The following SENP5 variants were observed in gnomAD, a reference collection of about 807,000 sequenced individuals.
The protein encoded by SENP5 is sentrin-specific protease 5.
SENP5 carries 21 observed loss-of-function variants against 74.2 expected under a neutral mutation model. That is an observed-to-expected ratio of 0.28 (90% CI 0.20 to 0.41). The LOEUF (loss-of-function observed/expected upper bound fraction) is 0.41, where lower values mean the gene tolerates loss of function less well. Ranked by LOEUF, SENP5 falls within the 10% of genes least tolerant of loss-of-function variation. The pLI is 1.00. For missense variants in SENP5, 717 were observed against 889.1 expected (o/e 0.81, Z 2.46); for synonymous variants, 311 against 312.7 (o/e 0.99, Z 0.06).
rs76882863 is a variant in SENP5, at chr3:196,919,168, A to G, written c.1885-4246A>G. On this transcript the variant is annotated intron_variant, in intron 6 of 9. Coordinates refer to ENST00000323460, the MANE Select transcript of SENP5 (RefSeq NM_152699.5). ...TAATAGCTAGAGACCTCAACACCCC[A>G]CTTTCATCATTGGACTCAAAATCAA... is the stretch of plus-strand genomic sequence containing the variant. 1.2e-3 allele frequency among the ~76,000 whole-genome samples: 189 copies of G among 152,302 alleles called. 7 individuals are homozygous for G. The East Asian group carries it at 0.031, about 25-fold the overall frequency.
At chr3:196,887,077 C>G (rs1158386008) in intron 2 of SENP5, among the ~76,000 whole-genome samples, 5 of 152,190 alleles carry the variant, frequency 3.3e-5, no homozygotes, top group Non-Finnish European at 7.3e-5. Context: ...GGCAGTCTTA[C>G]AGATCACAGA....
rs1716058771 is a variant in SENP5, at chr3:196,932,123, C to G, written c.*1200C>G. 4.2e-6 allele frequency: 1 copy of G among 239,692 alleles called. No individual in the cohort carries two copies. Among genetic ancestry groups the G allele is most frequent in the Non-Finnish European group, 8.4e-6 (1 of 119,302 alleles). 14.8% of individuals were successfully genotyped at this position (239,692 alleles called of 1,614,324 possible). On this transcript the variant is annotated 3_prime_UTR_variant, in exon 10 of 10. Transcript: ENST00000323460. ...TGAAGAAAGGCCAAGTGGCCCTTGT[C>G]CATACACTTAGCTGCATTAGGATGA...
intron 6 of SENP5, chr3:196,914,586 A>AAAAAAAAAATATAT: frequency 2.7e-4 from 9 of 33,496 alleles, no homozygotes; most frequent in African/African-American, 1.4e-3. Flanking sequence ...AAAAAAAAAA[A>AAAAAAAAAATATAT]ATATATATAT....
chr3:196,901,300 C>G (rs148737556), intron 5 of SENP5, among the ~76,000 whole-genome samples: 2 of 152,038 alleles, frequency 1.3e-5, no homozygotes, highest in African/African-American at 4.8e-5. Flanking sequence ...CCACCTCCCC[C>G]TCCCAAAGTG....
intron 2 of SENP5, among the ~76,000 whole-genome samples, chr3:196,888,019 C>T (rs1157352705): frequency 2.6e-5 from 4 of 152,240 alleles, no homozygotes; most frequent in South Asian, 2.1e-4. Context: ...CTGCCCGCCT[C>T]GGCCAGTCTG....
chr3:196,870,642 C>A (rs1713173466), intron 1 of SENP5, among the ~76,000 whole-genome samples: 1 of 151,984 alleles, frequency 6.6e-6, no homozygotes, highest in Non-Finnish European at 1.5e-5. Context: ...CTCAGCCTCC[C>A]AAGTAGCTGG....
At chr3:196,883,935 A>G (rs973180160) in intron 1 of SENP5, among the ~76,000 whole-genome samples, 1 of 152,188 alleles carries the variant, frequency 6.6e-6, no homozygotes, top group African/African-American at 2.4e-5. Context: ...CAGGTAATCC[A>G]TCTGCTTCGG....
chr3:196,894,536 T>TC (rs1333460404), intron 2 of SENP5, among the ~76,000 whole-genome samples: 1 of 144,906 alleles, frequency 6.9e-6, no homozygotes, highest in Non-Finnish European at 1.5e-5. Context: ...TGCGAGTTCT[T>TC]TTTTTTTTTT....
At position 196,884,665 on chromosome 3, in the gene SENP5, TTTTTTTTTG is replaced by T. The variant is rs1316269559; in HGVS notation, c.-31-477_-31-469del. 5.5e-3 allele frequency among the ~76,000 whole-genome samples: 686 copies of T among 124,844 alleles called. 2 individuals carry two copies. Among genetic ancestry groups the T allele is most frequent in the African/African-American group, 0.025 (652 of 26,214 alleles). 81.9% of individuals were successfully genotyped at this position (124,844 alleles called of 152,430 possible). ...ATCACACTGAGGTTACAGAAATCAGTTTTTTTTTGTTTTTTTTTTTTTTGAGATGGAGTT... is the reference window on the plus strand; with the variant it reads ...ATCACACTGAGGTTACAGAAATCAGTTTTTTTTTTTTTTTGAGATGGAGTT... On this transcript the variant is annotated intron_variant, in intron 1 of 9. Coordinates refer to ENST00000323460, the MANE Select transcript of SENP5 (RefSeq NM_152699.5).
intron 5 of SENP5, among the ~76,000 whole-genome samples, chr3:196,902,019 GCT>G (rs1714721437): frequency 6.6e-6 from 1 of 152,198 alleles, no homozygotes; most frequent in Non-Finnish European, 1.5e-5. Context: ...GTTTTGACAA[GCT>G]CTCTAGATGA....
chr3:196,915,042 A>C (rs1160383957), intron 6 of SENP5, among the ~76,000 whole-genome samples: 1 of 152,230 alleles, frequency 6.6e-6, no homozygotes, highest in Admixed American at 6.5e-5. Flanking sequence ...GAGCATTCAG[A>C]CTAGCCCCAG....
chr3:196,881,270 A>G (rs1212921915), intron 1 of SENP5, among the ~76,000 whole-genome samples: 1 of 152,216 alleles, frequency 6.6e-6, no homozygotes, highest in Non-Finnish European at 1.5e-5. Flanking sequence ...TTTTGCTATT[A>G]TAAACAATGC....
At chr3:196,899,830 TTTCTC>T (rs1397831408) in intron 3 of SENP5, 59 bp downstream of exon 3, 16 of 1,570,406 alleles carry the variant, frequency 1.0e-5, no homozygotes, top group African/African-American at 1.4e-5. Context: ...ATATATGACT[TTTCTC>T]TTGATTTACA....
intron 2 of SENP5, among the ~76,000 whole-genome samples, chr3:196,896,524 G>A (rs945084089): frequency 7.9e-5 from 12 of 152,106 alleles, no homozygotes; most frequent in South Asian, 2.1e-4. Flanking sequence ...GCATAATCTC[G>A]GCTCACTACA....
chr3:196,876,460 G>T (rs1163037005), intron 1 of SENP5, among the ~76,000 whole-genome samples: 1 of 150,510 alleles, frequency 6.6e-6, no homozygotes, highest in Non-Finnish European at 1.5e-5. Context: ...GGAGCTTGCA[G>T]TGAGCCGAGA....
At chr3:196,897,325 CT>C (rs1371948040) in intron 2 of SENP5, among the ~76,000 whole-genome samples, 13 of 152,214 alleles carry the variant, frequency 8.5e-5, no homozygotes, top group Non-Finnish European at 1.8e-4. Context: ...ATAGTAAACA[CT>C]AGAGGCAAGT....
intron 2 of SENP5, among the ~76,000 whole-genome samples, chr3:196,890,789 C>CT (rs1216231998): frequency 6.6e-6 from 1 of 152,196 alleles, no homozygotes; most frequent in Non-Finnish European, 1.5e-5. Context: ...AGTTGAAAGG[C>CT]TTTGCAAGTG....
At chr3:196,884,254 G>A (rs969447426) in intron 1 of SENP5, among the ~76,000 whole-genome samples, 3 of 152,194 alleles carry the variant, frequency 2.0e-5, no homozygotes, top group Non-Finnish European at 2.9e-5. Flanking sequence ...GCCATGCAAG[G>A]ACAGGACTTT....
At chr3:196,868,118 C>G (rs985319082) in intron 1 of SENP5, 45 bp downstream of exon 1, 1 of 152,278 alleles carries the variant, frequency 6.6e-6, no homozygotes, top group African/African-American at 2.4e-5. Flanking sequence ...CAGCGATCGC[C>G]TGGCGGGGCT....
Sources: gnomAD v4.1 joint callset for allele counts (sites outside exome capture counted in the v4.1 genomes callset) on GRCh38, gnomAD v4.1.1 for gene constraint, MANE v1.5 for transcripts, NCBI Gene and HGNC (gene_info 2026-07-23, HGNC 2026-07-21) for gene names.